Variants in STPG2 observed in about 807,000 individuals in gnomAD.
STPG2 encodes sperm tail PG-rich repeat containing 2.
STPG2 carries 56 observed loss-of-function variants against 54.2 expected under a neutral mutation model. The ratio of observed to expected loss-of-function variants is 1.03; its 90% confidence interval spans 0.83 to 1.29. The LOEUF is 1.29. Ranked by LOEUF, STPG2 falls within the 50% of genes most tolerant of loss-of-function variation. The probability of loss-of-function intolerance (pLI) is 0.00; values close to 1 mark genes in which losing one functional copy is unlikely to be tolerated. For synonymous variants in STPG2, 200 were observed against 181.8 expected (o/e 1.10, Z -0.81); for missense variants, 596 against 544.9 (o/e 1.09, Z -0.93).
intron 9 of STPG2, among the ~76,000 whole-genome samples, chr4:97,785,722 C>T (rs1726802136): frequency 6.6e-6 from 1 of 152,012 alleles, no homozygotes; most frequent in South Asian, 2.1e-4. Context: ...TCCCACCTGG[C>T]TCCAGACCTC....
intron 4 of STPG2, among the ~76,000 whole-genome samples, chr4:97,501,064 G>A (rs1448973044): frequency 6.6e-6 from 1 of 151,906 alleles, no homozygotes; most frequent in Non-Finnish European, 1.5e-5. Flanking sequence ...AGGGAGAGTG[G>A]GAAATGCTGA....
chr4:97,453,153 G>A (rs1434465956), intron 4 of STPG2, among the ~76,000 whole-genome samples: 1 of 152,196 alleles, frequency 6.6e-6, no homozygotes, highest in Non-Finnish European at 1.5e-5. Context: ...CCTCTTTGGG[G>A]TCCTGCAGTG....
intron 4 of STPG2, among the ~76,000 whole-genome samples, chr4:97,548,873 A>C (rs577042858): frequency 6.6e-6 from 1 of 152,310 alleles, no homozygotes; most frequent in African/African-American, 2.4e-5. Flanking sequence ...TTAACTATTG[A>C]CAATTTTATT....
intron 4 of STPG2, among the ~76,000 whole-genome samples, chr4:97,449,206 G>T (rs545721186): frequency 6.6e-6 from 1 of 151,948 alleles, no homozygotes; most frequent in Non-Finnish European, 1.5e-5. Flanking sequence ...TTTAAAAAAA[G>T]CAATATGTAC....
chr4:98,015,667 G>A (rs1177301881), intron 5 of STPG2, among the ~76,000 whole-genome samples: 2 of 152,120 alleles, frequency 1.3e-5, no homozygotes, highest in African/African-American at 4.8e-5. Flanking sequence ...CAAAGATCTA[G>A]AACCAGAAAT....
chr4:97,485,872 A>G (rs1730342112), intron 4 of STPG2, among the ~76,000 whole-genome samples: 2 of 151,748 alleles, frequency 1.3e-5, no homozygotes, highest in South Asian at 4.1e-4. Context: ...AGAATAGAGA[A>G]CCCAGAAATA....
At chr4:98,052,857 A>G (rs1737365208) in intron 5 of STPG2, among the ~76,000 whole-genome samples, 1 of 152,180 alleles carries the variant, frequency 6.6e-6, no homozygotes, top group South Asian at 2.1e-4. Flanking sequence ...AAAGATAGCT[A>G]GTAACAACCA....
rs142468362 is a variant in STPG2, at chr4:97,473,655, G to A, written c.462+239044C>T. On this transcript the variant is annotated intron_variant, in intron 4 of 4. Transcript: ENST00000522676. Reference sequence around the variant, plus strand: ...GATATTCTATTACCTTGTGAACCACGTGATCTCTGTGACCCACACCCTATT... The same window carrying A: ...GATATTCTATTACCTTGTGAACCACATGATCTCTGTGACCCACACCCTATT... Among the ~76,000 whole-genome samples the A allele has an allele frequency of 3.9e-4, 59 of 152,130 alleles. 1 individual carries two copies. Among genetic ancestry groups the A allele is most frequent in the African/African-American group, 1.2e-3 (50 of 41,510 alleles).
At chr4:97,786,128 C>CA (rs1203628929) in intron 9 of STPG2, among the ~76,000 whole-genome samples, 1 of 151,590 alleles carries the variant, frequency 6.6e-6, no homozygotes, top group Non-Finnish European at 1.5e-5. Context: ...TCTACCACCC[C>CA]AAAAAAGTTT....
At chr4:97,764,088 A>T (rs1051545758) in intron 9 of STPG2, among the ~76,000 whole-genome samples, 2 of 148,786 alleles carry the variant, frequency 1.3e-5, no homozygotes, top group Non-Finnish European at 3.0e-5. Context: ...TCCCTCTTCA[A>T]ATCCAACCTC....
Position 98,143,191 on chromosome 4 carries a change from C to G in STPG2, c.-41G>C. On this transcript the variant is annotated 5_prime_UTR_variant, in exon 1 of 11. Coordinates refer to ENST00000295268, the MANE Select transcript of STPG2 (RefSeq NM_174952.3). ...GGGGGCGCTGGGGAAGGGCAGGTGC[C>G]GAAAACGATAAAAACAAGGTAGCTA... The G allele has an allele frequency of 6.6e-7, 1 of 1,507,292 alleles. No individual in the cohort carries two copies. The highest frequency in any genetic ancestry group is 9.2e-7 in the Non-Finnish European group (1 of 1,092,122). 93.4% of individuals were successfully genotyped at this position (1,507,292 alleles called of 1,614,324 possible). A position where few individuals can be genotyped will look rare whatever the true frequency, so the allele number is the denominator to read the frequency against.
rs185261391 is a variant in STPG2, at chr4:98,045,662, T to C, written c.612+60291A>G. Among the ~76,000 whole-genome samples, 41 of 152,296 alleles carry C rather than the reference T, an allele frequency of 2.7e-4. No individual in the cohort carries two copies. The East Asian group carries it at 6.9e-3, about 26-fold the overall frequency. ...TTTTCTTTTAGCACTTTGATTATAT[T>C]ACCCTACTCCCTTCTGACCTGCAAG... On this transcript the variant is annotated intron_variant, in intron 5 of 10. Coordinates refer to ENST00000295268, the MANE Select transcript of STPG2 (RefSeq NM_174952.3).
chr4:97,699,280 A>T (rs1431364835), intron 10 of STPG2, among the ~76,000 whole-genome samples: 1 of 152,192 alleles, frequency 6.6e-6, no homozygotes, highest in Non-Finnish European at 1.5e-5. Context: ...TCATGGGCCC[A>T]TTGGGCAATA....
At chr4:98,141,942 GAAAAAAAA>G (rs3974892) in intron 1 of STPG2, among the ~76,000 whole-genome samples, 8 of 96,892 alleles carry the variant, frequency 8.3e-5, no homozygotes, top group Non-Finnish European at 1.4e-4. Flanking sequence ...CAGTAGTTGG[GAAAAAAAA>G]AAAAAAAAAA....
At chr4:98,058,515 C>A (rs1255015077) in intron 5 of STPG2, among the ~76,000 whole-genome samples, 10 of 152,148 alleles carry the variant, frequency 6.6e-5, no homozygotes, top group Non-Finnish European at 1.5e-5. Context: ...ACCTAACTAT[C>A]CTATATATAC....
chr4:97,921,425 G>A (rs1167952939), intron 8 of STPG2, among the ~76,000 whole-genome samples: 1 of 151,868 alleles, frequency 6.6e-6, no homozygotes, highest in Non-Finnish European at 1.5e-5. Context: ...AAAACAATAT[G>A]GAAACAAAAT....
At chr4:97,802,279 C>T (rs1229364343) in intron 9 of STPG2, among the ~76,000 whole-genome samples, 1 of 152,092 alleles carries the variant, frequency 6.6e-6, no homozygotes, top group African/African-American at 2.4e-5. Flanking sequence ...AAATTACTTT[C>T]AAAACATATT....
intron 4 of STPG2, among the ~76,000 whole-genome samples, chr4:97,494,356 C>T (rs1025651831): frequency 1.1e-4 from 17 of 151,452 alleles, no homozygotes; most frequent in Admixed American, 8.6e-4. Context: ...CAAAGAACAA[C>T]AAAGAAGCAA....
In STPG2 at chr4:97,952,540, T is replaced by C. The variant is rs569916313; in HGVS notation, c.934-8533A>G. On this transcript the variant is annotated intron_variant, in intron 7 of 10. Coordinates refer to ENST00000295268, the MANE Select transcript of STPG2 (RefSeq NM_174952.3). ...AGCCAGGCCACTATGAATGCTGCTGTTCCTCTGGGTCTAGTAACCCAGTGG... is the reference window on the plus strand; with the variant it reads ...AGCCAGGCCACTATGAATGCTGCTGCTCCTCTGGGTCTAGTAACCCAGTGG... 7.9e-5 allele frequency among the ~76,000 whole-genome samples: 12 copies of C among 152,266 alleles called. No individual in the cohort carries two copies. The South Asian group carries it at 2.5e-3, about 32-fold the overall frequency.
Sources: allele counts gnomAD v4.1 joint callset (sites outside exome capture counted in the v4.1 genomes callset), GRCh38; gene constraint gnomAD v4.1.1; transcripts MANE v1.5; gene names NCBI Gene and HGNC (gene_info 2026-07-23, HGNC 2026-07-21).